STK32B: variants seen among roughly 807,000 people sequenced by gnomAD.
STK32B encodes serine/threonine kinase 32B, also known as serine/threonine-protein kinase 32B.
A neutral mutation model predicts 52.6 loss-of-function variants in STK32B; 43 were observed. The observed-to-expected ratio is 0.82, with a 90% CI of 0.64 to 1.05. The LOEUF is 1.05. Ranked by LOEUF, STK32B falls within the 50% of genes least tolerant of loss-of-function variation. STK32B has a pLI of 0.00. For synonymous variants in STK32B, 238 were observed against 204.3 expected (o/e 1.17, Z -1.41); for missense variants, 621 against 534.6 (o/e 1.16, Z -1.59).
chr4:5,438,251 G>C (rs1002590685), intron 6 of STK32B, among the ~76,000 whole-genome samples: 1 of 152,228 alleles, frequency 6.6e-6, no homozygotes, highest in African/African-American at 2.4e-5. Context: ...AGTCCCTGTA[G>C]GCTGAAGCCC....
chr4:5,067,502 C>T (rs894267446), intron 1 of STK32B, among the ~76,000 whole-genome samples: 6 of 152,000 alleles, frequency 3.9e-5, no homozygotes, highest in East Asian at 3.9e-4. Flanking sequence ...GGAAAATCAC[C>T]GTGTAAACTT....
chr4:5,309,947 C>G (rs6855938), intron 3 of STK32B, among the ~76,000 whole-genome samples: 17,732 of 152,050 alleles, frequency 0.12, 2,614 homozygotes, highest in African/African-American at 0.35. Flanking sequence ...AAGTGGATCA[C>G]CTGAGGTCAG....
chr4:5,416,635 A>T (rs1010340608), intron 5 of STK32B, among the ~76,000 whole-genome samples: 1 of 152,256 alleles, frequency 6.6e-6, no homozygotes, highest in Non-Finnish European at 1.5e-5. Context: ...CAATATATTT[A>T]TGTAAAAATA....
At chr4:5,064,263 CATAT>C (rs56020836) in intron 1 of STK32B, among the ~76,000 whole-genome samples, 6 of 143,638 alleles carry the variant, frequency 4.2e-5, no homozygotes, top group Non-Finnish European at 1.5e-5. Context: ...TATATAAAAA[CATAT>C]ATGATATATA....
chr4:5,418,282 TTGGTA>T (rs3834208), intron 6 of STK32B, among the ~76,000 whole-genome samples: 23,718 of 152,032 alleles, frequency 0.16, 2,125 homozygotes, highest in East Asian at 0.42. Context: ...TTATAATAAC[TTGGTA>T]TGGAATTTGA....
chr4:5,052,715 G>A (rs933140817), intron 1 of STK32B, among the ~76,000 whole-genome samples: 3 of 152,144 alleles, frequency 2.0e-5, no homozygotes, highest in African/African-American at 7.2e-5. Flanking sequence ...AGTAATCCAC[G>A]TGAAAAGTGC....
At chr4:5,471,596 G>T (rs550695989) in intron 11 of STK32B, among the ~76,000 whole-genome samples, 1 of 152,006 alleles carries the variant, frequency 6.6e-6, no homozygotes, top group South Asian at 2.1e-4. Flanking sequence ...ACTTAGTTAC[G>T]GCCACCCAGA....
chr4:5,306,802 C>A (rs1392309633), intron 3 of STK32B, among the ~76,000 whole-genome samples: 1 of 152,076 alleles, frequency 6.6e-6, no homozygotes, highest in Non-Finnish European at 1.5e-5. Flanking sequence ...AGATTTAGAG[C>A]TTCTTTAAGC....
intron 2 of STK32B, among the ~76,000 whole-genome samples, chr4:5,140,832 C>G (rs1261620383): frequency 6.6e-6 from 1 of 152,192 alleles, no homozygotes; most frequent in South Asian, 2.1e-4. Context: ...GTACCAGGCA[C>G]TATTTTAGAC....
chr4:5,123,585 G>A (rs562280879), intron 1 of STK32B, among the ~76,000 whole-genome samples: 1 of 152,118 alleles, frequency 6.6e-6, no homozygotes, highest in African/African-American at 2.4e-5. Flanking sequence ...TTCTTCCAAG[G>A]CCTCTCTCCT....
At chr4:5,221,173 C>A (rs1350327260) in intron 3 of STK32B, among the ~76,000 whole-genome samples, 1 of 152,198 alleles carries the variant, frequency 6.6e-6, no homozygotes, top group Non-Finnish European at 1.5e-5. Context: ...GGTTAAGAAT[C>A]TGCTCTATAG....
At chr4:5,252,815 C>T (rs921568883) in intron 3 of STK32B, among the ~76,000 whole-genome samples, 34 of 152,228 alleles carry the variant, frequency 2.2e-4, no homozygotes, top group African/African-American at 8.2e-4. Flanking sequence ...ACCATAGAAT[C>T]AGCATGAAGG....
At chr4:5,302,647 T>C (rs187568170) in intron 3 of STK32B, among the ~76,000 whole-genome samples, 25 of 152,184 alleles carry the variant, frequency 1.6e-4, no homozygotes, top group South Asian at 6.2e-4. Flanking sequence ...AAACAGTTAG[T>C]GTTTGCTTAG....
At chr4:5,233,389 A>C (rs964627797) in intron 3 of STK32B, among the ~76,000 whole-genome samples, 1 of 152,192 alleles carries the variant, frequency 6.6e-6, no homozygotes, top group African/African-American at 2.4e-5. Context: ...AGTTGACATG[A>C]TGAACCAAGG....
intron 3 of STK32B, among the ~76,000 whole-genome samples, chr4:5,233,249 T>C (rs1724398318): frequency 6.6e-6 from 1 of 152,128 alleles, no homozygotes; most frequent in South Asian, 2.1e-4. Flanking sequence ...TGACTTATGC[T>C]AAGGCAAGGT....
chr4:5,349,128 A>G (rs1358614769), intron 4 of STK32B, among the ~76,000 whole-genome samples: 1 of 152,060 alleles, frequency 6.6e-6, no homozygotes, highest in Non-Finnish European at 1.5e-5. Flanking sequence ...TTCCTGGCCC[A>G]CTACTGCCAT....
intron 3 of STK32B, among the ~76,000 whole-genome samples, chr4:5,168,699 C>T (rs774568758): frequency 2.0e-5 from 3 of 152,112 alleles, no homozygotes; most frequent in Non-Finnish European, 4.4e-5. Flanking sequence ...AAGTGTTTTG[C>T]GTATTTGAGA....
At chr4:5,365,129 G>GC (rs1190663614) in intron 4 of STK32B, among the ~76,000 whole-genome samples, 29 of 151,870 alleles carry the variant, frequency 1.9e-4, no homozygotes, top group Admixed American at 1.6e-3. Context: ...ACCCACCTCG[G>GC]CCCCCCCAAA....
At chr4:5,195,836 A>G (rs1175908436) in intron 3 of STK32B, among the ~76,000 whole-genome samples, 1 of 152,216 alleles carries the variant, frequency 6.6e-6, no homozygotes, top group African/African-American at 2.4e-5. Flanking sequence ...CACCTGCACT[A>G]TTATGGACTT....
Sources: allele counts gnomAD v4.1 joint callset (sites outside exome capture counted in the v4.1 genomes callset), GRCh38; gene constraint gnomAD v4.1.1; transcripts MANE v1.5; gene names NCBI Gene and HGNC (gene_info 2026-07-23, HGNC 2026-07-21).